CNTN5: variants seen among roughly 807,000 people sequenced by gnomAD.
The protein encoded by CNTN5 is contactin-5.
In CNTN5, 77 loss-of-function variants were observed where a neutral mutation model predicts 129.1. The observed-to-expected ratio is 0.60, with a 90% CI of 0.50 to 0.72. The LOEUF is 0.72. CNTN5 is among the 30% of genes least tolerant of loss of function. The pLI, the probability that CNTN5 is intolerant of heterozygous loss-of-function variation, is 0.00. For synonymous variants in CNTN5, 509 were observed against 465.6 expected (o/e 1.09, Z -1.20); for missense variants, 1,478 against 1,328.8 (o/e 1.11, Z -1.75).
chr11:99,653,595 A>G (rs1056222286), intron 3 of CNTN5, among the ~76,000 whole-genome samples: 9 of 151,408 alleles, frequency 5.9e-5, no homozygotes, highest in African/African-American at 2.2e-4. Context: ...TGAGGGGGGA[A>G]AATGCTTATA....
intron 13 of CNTN5, among the ~76,000 whole-genome samples, chr11:100,098,228 T>C (rs1411845425): frequency 6.6e-6 from 1 of 152,096 alleles, no homozygotes; most frequent in African/African-American, 2.4e-5. Context: ...AGTATTTGAC[T>C]TTAAAGCAAA....
intron 6 of CNTN5, among the ~76,000 whole-genome samples, chr11:99,882,984 C>G (rs112054821): frequency 9.2e-5 from 14 of 152,258 alleles, no homozygotes; most frequent in African/African-American, 3.4e-4. Context: ...TCTTTCTGTG[C>G]CTGGCTTATT....
In CNTN5 at chr11:99,243,746, T is replaced by TA. The variant is rs1328599326; in HGVS notation, c.-209-81600_-209-81599insA. Among the ~76,000 whole-genome samples, 7 of 151,136 alleles carry TA rather than the reference T, an allele frequency of 4.6e-5. No homozygotes were observed. In the East Asian group the frequency reaches 1.4e-3, roughly 29 times the overall value. ...CTTTCCCTATTGCTTATTTTTTTTT[T>TA]TTTTTTTTGGAGATCAGTTTGCTGT... On this transcript the variant is annotated intron_variant, in intron 1 of 24. Coordinates refer to ENST00000524871, the MANE Select transcript of CNTN5 (RefSeq NM_014361.4).
At chr11:100,299,841 G>A (rs2138891982) in intron 20 of CNTN5, among the ~76,000 whole-genome samples, 1 of 151,534 alleles carries the variant, frequency 6.6e-6, no homozygotes, top group Admixed American at 6.6e-5. Context: ...TAATAAGGAA[G>A]TTTCAGACAG....
intron 3 of CNTN5, among the ~76,000 whole-genome samples, chr11:99,813,421 C>A (rs1477532789): frequency 2.0e-5 from 3 of 152,078 alleles, no homozygotes; most frequent in Admixed American, 2.0e-4. Context: ...TAGAAGACAC[C>A]TTTCCATGAC....
intron 3 of CNTN5, among the ~76,000 whole-genome samples, chr11:99,644,500 G>A (rs1951879198): frequency 6.6e-6 from 1 of 152,052 alleles, no homozygotes; most frequent in South Asian, 2.1e-4. Context: ...GATTTCAAAT[G>A]GGCAAAACGA....
chr11:99,685,365 A>G (rs1418242538), intron 3 of CNTN5, among the ~76,000 whole-genome samples: 1 of 151,852 alleles, frequency 6.6e-6, no homozygotes, highest in African/African-American at 2.4e-5. Context: ...AGTCTTTCAT[A>G]TATGTCACTT....
chr11:100,262,672 C>T (rs1950224345), intron 17 of CNTN5, among the ~76,000 whole-genome samples: 1 of 152,190 alleles, frequency 6.6e-6, no homozygotes, highest in African/African-American at 2.4e-5. Flanking sequence ...CCATCATTCT[C>T]AGCAAACTAA....
Position 100,297,706 on chromosome 11 carries a change from C to G in CNTN5, c.2385+11C>G, listed in dbSNP as rs1286372154. The G allele has an allele frequency of 1.3e-6, 2 of 1,568,062 alleles. No individual in the cohort carries two copies. Among genetic ancestry groups the G allele is most frequent in the South Asian group, 2.3e-5 (2 of 86,812 alleles). ...GTCATTGCCTGGGAGGTAAGAAAAA[C>G]ACATCCTCTCACAAATTACTCCACG... On this transcript the variant is annotated intron_variant, in intron 19 of 24. Transcript: ENST00000524871.
chr11:100,257,288 A>G (rs1950092350), intron 17 of CNTN5, among the ~76,000 whole-genome samples: 1 of 152,180 alleles, frequency 6.6e-6, no homozygotes. Flanking sequence ...AGCCCCAGTC[A>G]GGAGCTTATA....
chr11:99,201,351 T>TTCCTTCCTTCCTTCC (rs59358470), intron 1 of CNTN5, among the ~76,000 whole-genome samples: 8,053 of 88,112 alleles, frequency 0.091, 864 homozygotes, highest in African/African-American at 0.16. Context: ...CTTCCTTTCC[T>TTCCTTCCTTCCTTCC]TTCCTTCCTT....
At chr11:99,061,115 A>G (rs1463752952) in intron 1 of CNTN5, among the ~76,000 whole-genome samples, 1 of 152,092 alleles carries the variant, frequency 6.6e-6, no homozygotes, top group Non-Finnish European at 1.5e-5. Context: ...CCAATCCACC[A>G]CTAGCCCATG....
intron 3 of CNTN5, among the ~76,000 whole-genome samples, chr11:99,557,064 A>G (rs773753662): frequency 6.6e-6 from 1 of 151,312 alleles, no homozygotes; most frequent in Admixed American, 6.6e-5. Context: ...AAATTTAGGT[A>G]GTATGTATGG....
chr11:99,437,140 G>T (rs566973456), intron 2 of CNTN5, among the ~76,000 whole-genome samples: 45 of 152,292 alleles, frequency 3.0e-4, no homozygotes, highest in Middle Eastern at 3.4e-3. Flanking sequence ...AATGAAATTT[G>T]TAAAATGTTA....
chr11:99,527,902 C>G (rs952515772), intron 2 of CNTN5, among the ~76,000 whole-genome samples: 4 of 152,084 alleles, frequency 2.6e-5, no homozygotes, highest in African/African-American at 9.7e-5. Flanking sequence ...AAAGTTGCAA[C>G]AAAGCCCCGC....
chr11:99,446,141 T>G (rs939573367), intron 2 of CNTN5, among the ~76,000 whole-genome samples: 3 of 151,302 alleles, frequency 2.0e-5, no homozygotes, highest in Non-Finnish European at 3.0e-5. Flanking sequence ...CTCATCCTCA[T>G]GTTCTTGATT....
intron 2 of CNTN5, among the ~76,000 whole-genome samples, chr11:99,542,227 A>G (rs556182316): frequency 5.1e-4 from 77 of 152,248 alleles, no homozygotes; most frequent in African/African-American, 1.7e-3. Context: ...ATTGTTGACT[A>G]TAGTCACCCT....
chr11:100,154,343 T>C (rs1473920318), intron 13 of CNTN5, among the ~76,000 whole-genome samples: 1 of 89,852 alleles, frequency 1.1e-5, no homozygotes, highest in Non-Finnish European at 2.1e-5. Context: ...CTTTATCCAG[T>C]CTATCAATCA....
At chr11:99,919,640 C>T (rs1388653105) in intron 7 of CNTN5, among the ~76,000 whole-genome samples, 1 of 152,034 alleles carries the variant, frequency 6.6e-6, no homozygotes, top group Non-Finnish European at 1.5e-5. Context: ...TTTAAGTGTA[C>T]AGTTCAATGA....
Sources: gnomAD v4.1 joint callset for allele counts (sites outside exome capture counted in the v4.1 genomes callset) on GRCh38, gnomAD v4.1.1 for gene constraint, MANE v1.5 for transcripts, NCBI Gene and HGNC (gene_info 2026-07-23, HGNC 2026-07-21) for gene names.